The following TRPC4 variants were observed in gnomAD, a reference collection of about 807,000 sequenced individuals.
The protein encoded by TRPC4 is transient receptor potential cation channel subfamily C member 4, also known as short transient receptor potential channel 4.
A neutral mutation model predicts 99.4 loss-of-function variants in TRPC4; 49 were observed. That is an observed-to-expected ratio of 0.49 (90% confidence interval 0.39 to 0.63). The LOEUF (loss-of-function observed/expected upper bound fraction) is 0.63. Ranked by LOEUF, TRPC4 falls within the 20% of genes least tolerant of loss-of-function variation. The pLI is 0.00. For missense variants in TRPC4, 898 were observed against 1,152.9 expected, an observed-to-expected ratio of 0.78 and a Z score of 3.20; for synonymous variants, 454 against 425.9, an observed-to-expected ratio of 1.07 and a Z score of -0.81.
chr13:37,666,308 C>A (rs1012983881), intron 5 of TRPC4, among the ~76,000 whole-genome samples: 3 of 152,166 alleles, frequency 2.0e-5, no homozygotes, highest in African/African-American at 7.2e-5. Context: ...CCCCTGTATA[C>A]ACAGGGTACA....
intron 1 of TRPC4, among the ~76,000 whole-genome samples, chr13:37,785,255 C>T (rs995031103): frequency 3.9e-5 from 6 of 151,986 alleles, no homozygotes; most frequent in African/African-American, 1.2e-4. Flanking sequence ...TCAATGTTGG[C>T]CTTGGAAAGG....
At chr13:37,674,567 AT>A (rs1952980163) in intron 4 of TRPC4, among the ~76,000 whole-genome samples, 200 bp from the exon 5 acceptor site, 1 of 152,228 alleles carries the variant, frequency 6.6e-6, no homozygotes, top group Non-Finnish European at 1.5e-5. Context: ...ATTCTGGAAG[AT>A]GTTGTTAGGA....
intron 1 of TRPC4, among the ~76,000 whole-genome samples, chr13:37,808,855 A>G (rs527341141): frequency 1.1e-4 from 16 of 152,128 alleles, no homozygotes; most frequent in Admixed American, 3.3e-4. Flanking sequence ...CCAGCATGCT[A>G]ACTTCCATCT....
intron 1 of TRPC4, among the ~76,000 whole-genome samples, chr13:37,812,820 T>G (rs1471293240): frequency 2.0e-5 from 3 of 151,982 alleles, no homozygotes; most frequent in Admixed American, 6.6e-5. Context: ...CATGTGATAA[T>G]CAAATTTCTT....
intron 1 of TRPC4, among the ~76,000 whole-genome samples, chr13:37,864,407 A>T (rs1959599594): frequency 6.6e-6 from 1 of 151,678 alleles, no homozygotes; most frequent in Admixed American, 6.6e-5. Context: ...AGTTAAGTTT[A>T]TTGAATAATG....
At chr13:37,837,675 A>G (rs575278584) in intron 1 of TRPC4, among the ~76,000 whole-genome samples, 16 of 152,254 alleles carry the variant, frequency 1.1e-4, no homozygotes, top group Admixed American at 7.2e-4. Flanking sequence ...GGTGGAAGGG[A>G]CTTGTCTTAT....
intron 1 of TRPC4, among the ~76,000 whole-genome samples, chr13:37,823,813 T>G (rs538620021): frequency 1.5e-3 from 219 of 150,016 alleles, no homozygotes; most frequent in African/African-American, 5.1e-3. Context: ...GTGAAGAAAG[T>G]CATTGGTAGC....
At position 37,636,868 on chromosome 13, in the gene TRPC4, C is replaced by T. The variant is rs148835203; in HGVS notation, c.*35G>A. On this transcript the variant is annotated 3_prime_UTR_variant, in exon 11 of 11. Coordinates refer to ENST00000379705, the MANE Select transcript of TRPC4 (RefSeq NM_016179.4). ...CCCACCCAGAGCACTACGGAAAATACGTATGTGTATGGTAAACGCTTCCTC... is the reference window on the plus strand; with the variant it reads ...CCCACCCAGAGCACTACGGAAAATATGTATGTGTATGGTAAACGCTTCCTC... The T allele has an allele frequency of 2.7e-3, 4,310 of 1,574,710 alleles. 13 individuals carry two copies. Among genetic ancestry groups the T allele is most frequent in the Non-Finnish European group, 3.0e-3 (3,444 of 1,161,002 alleles).
chr13:37,685,000 C>T (rs531661924), intron 4 of TRPC4, among the ~76,000 whole-genome samples: 1 of 152,124 alleles, frequency 6.6e-6, no homozygotes, highest in Admixed American at 6.5e-5. Context: ...GAAAGTCACA[C>T]ATAATATGTT....
intron 1 of TRPC4, among the ~76,000 whole-genome samples, chr13:37,856,290 A>G: frequency 6.6e-6 from 1 of 151,496 alleles, no homozygotes; most frequent in Non-Finnish European, 1.5e-5. Flanking sequence ...AAATTCCTGG[A>G]CACATATAAC....
At position 37,632,309 on chromosome 13, in the gene TRPC4, T is replaced by C. The variant is rs930282869; in HGVS notation, c.*4594A>G. On this transcript the variant is annotated 3_prime_UTR_variant, in exon 11 of 11. Coordinates refer to ENST00000379705, the MANE Select transcript of TRPC4 (RefSeq NM_016179.4). ...AAAAAGAAACATCAAACTCATTTAC[T>C]TAGTATATTTTAAATCAATACTTCA... 6.6e-6 allele frequency among the ~76,000 whole-genome samples: 1 copy of C among 152,234 alleles called. No homozygotes were observed. Among genetic ancestry groups the C allele is most frequent in the Non-Finnish European group, 1.5e-5 (1 of 68,046 alleles).
At chr13:37,756,006 A>G (rs1956087685) in intron 2 of TRPC4, among the ~76,000 whole-genome samples, 1 of 152,158 alleles carries the variant, frequency 6.6e-6, no homozygotes, top group Non-Finnish European at 1.5e-5. Context: ...TATAAAATTT[A>G]TCTCTTTCAT....
At chr13:37,829,892 C>T (rs1484729263) in intron 1 of TRPC4, among the ~76,000 whole-genome samples, 1 of 152,102 alleles carries the variant, frequency 6.6e-6, no homozygotes, top group Admixed American at 6.6e-5. Context: ...ACACAAAAGA[C>T]CACATGTTAT....
At chr13:37,666,496 A>T (rs1387590786) in intron 5 of TRPC4, among the ~76,000 whole-genome samples, 6 of 152,188 alleles carry the variant, frequency 3.9e-5, no homozygotes, top group African/African-American at 1.4e-4. Context: ...ATTTTGCTGA[A>T]TTTTTATCCC....
Position 37,704,642 on chromosome 13 carries a change from A to AAAAT in TRPC4, c.898-12311_898-12308dup, listed in dbSNP as rs527485713. Among the ~76,000 whole-genome samples the AAAAT allele has an allele frequency of 6.2e-3, 938 of 152,134 alleles. 6 individuals carry two copies. Among genetic ancestry groups the AAAAT allele is most frequent in the African/African-American group, 0.019 (804 of 41,506 alleles). On this transcript the variant is annotated intron_variant, in intron 3 of 10. Coordinates refer to ENST00000379705, the MANE Select transcript of TRPC4 (RefSeq NM_016179.4). ...CAGAGCAAGACTCTGTCTCTAAGTA[A>AAAAT]AAATAAATAAATAAATAAATAAATA...
At chr13:37,836,974 AGC>A (rs1340958766) in intron 1 of TRPC4, among the ~76,000 whole-genome samples, 1 of 152,194 alleles carries the variant, frequency 6.6e-6, no homozygotes, top group East Asian at 1.9e-4. Flanking sequence ...CTTTAGTTCC[AGC>A]CACTCCAGCC....
chr13:37,723,750 T>G (rs1324308603), intron 3 of TRPC4, among the ~76,000 whole-genome samples: 1 of 152,152 alleles, frequency 6.6e-6, no homozygotes, highest in Non-Finnish European at 1.5e-5. Context: ...AGATGAGGTC[T>G]TGCTGTGTTG....
chr13:37,781,701 C>T (rs1265702898), intron 2 of TRPC4, among the ~76,000 whole-genome samples: 1 of 151,938 alleles, frequency 6.6e-6, no homozygotes, highest in Admixed American at 6.6e-5. Context: ...AAAATGCCAG[C>T]AAAGCAACAA....
At chr13:37,683,327 T>A (rs4284516) in intron 4 of TRPC4, among the ~76,000 whole-genome samples, 1 of 151,916 alleles carries the variant, frequency 6.6e-6, no homozygotes, top group African/African-American at 2.4e-5. Flanking sequence ...GGGTAGCCCA[T>A]GGCAGTCTGG....
Sources: allele counts gnomAD v4.1 joint callset (sites outside exome capture counted in the v4.1 genomes callset), GRCh38; gene constraint gnomAD v4.1.1; transcripts MANE v1.5; gene names NCBI Gene and HGNC (gene_info 2026-07-23, HGNC 2026-07-21).